Variants in RAF1 observed in about 807,000 individuals in gnomAD.
RAF1 encodes RAF proto-oncogene serine/threonine-protein kinase.
Under a neutral mutation model 81.1 loss-of-function variants are expected in RAF1, and 27 were observed. The ratio of observed to expected loss-of-function variants is 0.33; its 90% CI spans 0.25 to 0.46. RAF1 has a LOEUF of 0.46. RAF1 is among the 20% of genes least tolerant of loss of function. The pLI, the probability that RAF1 is intolerant of heterozygous loss-of-function variation, is 1.00. For missense variants in RAF1, 598 were observed against 826.0 expected, an observed-to-expected ratio of 0.72 and a Z score of 3.38; for synonymous variants, 298 against 294.0, an observed-to-expected ratio of 1.01 and a Z score of -0.14.
intron 1 of RAF1, among the ~76,000 whole-genome samples, chr3:12,653,338 T>C (rs1466987028): frequency 2.0e-5 from 3 of 152,104 alleles, no homozygotes; most frequent in South Asian, 4.1e-4. Flanking sequence ...CATAGCCACC[T>C]CTTCTTTCTA....
In RAF1 at chr3:12,610,108, A is replaced by T. The variant is rs5746198; in HGVS notation, c.321-773T>A. Among the ~76,000 whole-genome samples, 335 of 152,352 alleles carry T rather than the reference A, an allele frequency of 2.2e-3. 1 individual carries two copies. The highest frequency in any genetic ancestry group is 7.7e-3 in the African/African-American group (321 of 41,586). ...TTTCTGTGCCTACAGTATAAATAAG[A>T]CAAAAAATAGATACATAAGTAAAAA... is the stretch of plus-strand genomic sequence containing the variant. On this transcript the variant is annotated intron_variant, in intron 3 of 17. Transcript: ENST00000442415.
At chr3:12,641,267 A>G (rs559166798) in intron 1 of RAF1, among the ~76,000 whole-genome samples, 13 of 151,924 alleles carry the variant, frequency 8.6e-5, no homozygotes, top group East Asian at 1.9e-4. Context: ...AAAGTGAACA[A>G]TGAGTTAACT....
At chr3:12,634,403 G>A (rs766993915) in intron 1 of RAF1, among the ~76,000 whole-genome samples, 8 of 151,698 alleles carry the variant, frequency 5.3e-5, no homozygotes, top group Admixed American at 2.6e-4. Flanking sequence ...CACCCGCCTC[G>A]GCCTCCCAAA....
chr3:12,656,215 T>C (rs1184139971), intron 1 of RAF1, among the ~76,000 whole-genome samples: 3 of 151,082 alleles, frequency 2.0e-5, no homozygotes, highest in African/African-American at 7.3e-5. Flanking sequence ...AGGTCAAAAA[T>C]GGTAGAAGAT....
Position 12,600,235 on chromosome 3 carries a change from T to C in RAF1, c.967A>G (p.Thr323Ala), listed in dbSNP as rs775898894. 1.7e-5 allele frequency: 28 copies of C among 1,614,102 alleles called. No homozygotes were observed. The Admixed American group carries it at 3.7e-4, about 21-fold the overall frequency. ...GGGGTTTTCGGCTGTGACCAGCCTGTTGGGCTCAGATTGTTGGGGCTACTG... is the reference window on the plus strand; with the variant it reads ...GGGGTTTTCGGCTGTGACCAGCCTGCTGGGCTCAGATTGTTGGGGCTACTG... Residue 323 changes from threonine to alanine, a missense_variant, in exon 10 of 18, where the codon ACA becomes GCA. Thr to Ala is a moderately conservative substitution (Grantham distance 58). Around this residue, in one of 5 missense-constraint regions of RAF1, gnomAD observed 194 missense variants for 202.7 expected, o/e 0.96. Transcript: ENST00000442415.
At position 12,663,969 on chromosome 3, in the gene RAF1, C is replaced by G. The variant is rs1298769196; in HGVS notation, c.-183G>C. The G allele has an allele frequency of 2.5e-6, 1 of 398,418 alleles. No individual in the cohort carries two copies. The highest frequency in any genetic ancestry group is 2.1e-5 in the African/African-American group (1 of 48,636). 24.7% of individuals were successfully genotyped at this position (398,418 alleles called of 1,614,324 possible). A position where few individuals can be genotyped will look rare whatever the true frequency, so the allele number is the denominator to read the frequency against. On this transcript the variant is annotated 5_prime_UTR_variant, in exon 1 of 18. Transcript: ENST00000442415. ...CGAGCAGCCCCCGCATCGTAGCAAA[C>G]GCGCTCCGCGCCTCAGGGCACGCGC...
At chr3:12,619,154 A>T (rs1575601639) in intron 1 of RAF1, among the ~76,000 whole-genome samples, 2 of 152,132 alleles carry the variant, frequency 1.3e-5, no homozygotes, top group African/African-American at 4.8e-5. Context: ...CTGAGGCAGG[A>T]GAATGGCGGG....
chr3:12,646,516 G>A (rs184080008), intron 1 of RAF1, among the ~76,000 whole-genome samples: 2 of 151,824 alleles, frequency 1.3e-5, no homozygotes, highest in African/African-American at 4.8e-5. Flanking sequence ...TGGGACTACA[G>A]GTGCGCACCA....
rs1229191285 is a variant in RAF1, at chr3:12,584,050, C to CA, written c.*463dup. On this transcript the variant is annotated 3_prime_UTR_variant, in exon 18 of 18. Coordinates refer to ENST00000442415, the MANE Select transcript of RAF1 (RefSeq NM_001354689.3). ...CCTGGGCTGTTTGGTGCCTTATGTG[C>CA]AAAATGTCTGGCGCTGCACCACTCT... 3.5e-6 allele frequency: 1 copy of CA among 283,694 alleles called. No homozygotes were observed. The highest frequency in any genetic ancestry group is 6.8e-6 in the Non-Finnish European group (1 of 146,882). 17.6% of individuals were successfully genotyped at this position (283,694 alleles called of 1,614,324 possible).
At chr3:12,661,300 G>C (rs1250100552) in intron 1 of RAF1, among the ~76,000 whole-genome samples, 2 of 152,130 alleles carry the variant, frequency 1.3e-5, no homozygotes, top group Admixed American at 6.6e-5. Flanking sequence ...CAAATAAATA[G>C]TTTATAAAAT....
In RAF1 at chr3:12,585,727, C is replaced by T; in HGVS notation, c.1550G>A (p.Ser517Asn). 1.2e-6 allele frequency: 2 copies of T among 1,614,232 alleles called. No individual in the cohort carries two copies. The highest frequency in any genetic ancestry group is 1.1e-5 in the South Asian group (1 of 91,090). The change falls in exon 15 of 18, where the codon AGT becomes AAT. Residue 517 changes from serine to asparagine, a missense_variant. Ser to Asn is a conservative substitution (Grantham distance 46). Transcript: ENST00000442415. ...AGGTTGTTCAACCTGCTGAGAACCACTCCAGCGTGACTTTACTGTTGCCAA... is the reference window on the plus strand; with the variant it reads ...AGGTTGTTCAACCTGCTGAGAACCATTCCAGCGTGACTTTACTGTTGCCAA...
intron 6 of RAF1, 113 bp from the exon 7 acceptor site, chr3:12,604,402 A>G: frequency 9.1e-7 from 1 of 1,098,454 alleles, no homozygotes; most frequent in Non-Finnish European, 1.4e-6. Context: ...TACCTGTACA[A>G]CCTTTGACAA....
At chr3:12,587,423 G>A in intron 14 of RAF1, 168 bp downstream of exon 13, 3 of 725,866 alleles carry the variant, frequency 4.1e-6, no homozygotes, top group Non-Finnish European at 5.0e-6. Context: ...GCTGCTGAGG[G>A]ACAGGCCAAG....
At chr3:12,587,771 G>GTGTAACA in intron 13 of RAF1, 134 bp from the exon 13 acceptor site, 1 of 727,566 alleles carries the variant, frequency 1.4e-6, no homozygotes, top group Non-Finnish European at 2.4e-6. Flanking sequence ...TAGACCCTGT[G>GTGTAACA]CTGTTCAGCC....
chr3:12,609,374 A>C (rs753285349), intron 3 of RAF1, 39 bp from the exon 4 acceptor site: 8 of 1,375,814 alleles, frequency 5.8e-6, no homozygotes, highest in African/African-American at 5.7e-5. Context: ...TGTTTAAACA[A>C]GATCAAAGTT....
At chr3:12,608,673 C>G (rs922259107) in intron 5 of RAF1, 93 bp downstream of exon 5, 2 of 1,379,590 alleles carry the variant, frequency 1.4e-6, no homozygotes, top group Admixed American at 3.4e-5. Context: ...AGTCTAGAAT[C>G]CAGACCTGTC....
intron 8 of RAF1, among the ~76,000 whole-genome samples, chr3:12,601,152 A>C (rs532524987): frequency 1.3e-5 from 2 of 152,360 alleles, no homozygotes; most frequent in South Asian, 4.1e-4. Context: ...CCAAGCCTAA[A>C]ATCACAGAAA....
intron 1 of RAF1, among the ~76,000 whole-genome samples, chr3:12,652,358 T>C (rs574409744): frequency 6.7e-6 from 1 of 148,476 alleles, no homozygotes; most frequent in African/African-American, 2.5e-5. Context: ...CCGTCTCTAC[T>C]AAAAATACAA....
intron 1 of RAF1, among the ~76,000 whole-genome samples, chr3:12,620,707 A>C (rs911232110): frequency 6.6e-6 from 1 of 152,036 alleles, no homozygotes; most frequent in African/African-American, 2.4e-5. Context: ...TGAACTCCTG[A>C]GCTCAGGCAA....
Sources: gnomAD v4.1 joint callset for allele counts (sites outside exome capture counted in the v4.1 genomes callset) on GRCh38, gnomAD v4.1.1 for gene constraint, gnomAD v4.1.1 regional missense constraint, MANE v1.5 for transcripts, NCBI Gene and HGNC (gene_info 2026-07-23, HGNC 2026-07-21) for gene names.